Variants in KCNIP4 observed in about 807,000 individuals in gnomAD.
The protein encoded by KCNIP4 is potassium voltage-gated channel interacting protein 4.
A neutral mutation model predicts 34.0 loss-of-function variants in KCNIP4; 12 were observed. The observed-to-expected ratio is 0.35, with a 90% confidence interval of 0.23 to 0.57. The LOEUF is 0.57. Ranked by LOEUF, KCNIP4 falls within the 20% of genes least tolerant of loss-of-function variation. KCNIP4 has a pLI of 0.83. For missense variants in KCNIP4, 238 were observed against 311.7 expected, an observed-to-expected ratio of 0.76 and a Z score of 1.78; for synonymous variants, 124 against 102.2, an observed-to-expected ratio of 1.21 and a Z score of -1.29.
At position 20,976,821 on chromosome 4, in the gene KCNIP4, G is replaced by C. The variant is rs181269461; in HGVS notation, c.62-94112C>G. ...ACTCTATAATCATGTTTGAACAGAA[G>C]CAAAAAGATGAACTTTTTCTCTTTT... On this transcript the variant is annotated intron_variant, in intron 1 of 8. Transcript: ENST00000382152. Among the ~76,000 whole-genome samples the C allele has an allele frequency of 6.6e-5, 10 of 152,200 alleles. No individual in the cohort carries two copies. The East Asian group carries it at 1.9e-3, about 29-fold the overall frequency.
chr4:21,008,018 CT>C (rs998182574), intron 1 of KCNIP4, among the ~76,000 whole-genome samples: 14 of 152,174 alleles, frequency 9.2e-5, no homozygotes, highest in Admixed American at 8.5e-4. Context: ...AATGTCCCCC[CT>C]GTCTGGGATG....
At chr4:21,932,165 G>C (rs1729608103) in intron 1 of KCNIP4, among the ~76,000 whole-genome samples, 1 of 152,080 alleles carries the variant, frequency 6.6e-6, no homozygotes, top group Non-Finnish European at 1.5e-5. Context: ...ATAGGCACTA[G>C]TACCATGAGT....
At chr4:21,871,510 G>A (rs1394903122) in intron 1 of KCNIP4, among the ~76,000 whole-genome samples, 1 of 151,666 alleles carries the variant, frequency 6.6e-6, no homozygotes, top group Non-Finnish European at 1.5e-5. Flanking sequence ...GATGAAGCTG[G>A]AAACCATCAT....
intron 1 of KCNIP4, among the ~76,000 whole-genome samples, chr4:21,401,257 A>T (rs1723534237): frequency 6.6e-6 from 1 of 152,236 alleles, no homozygotes; most frequent in East Asian, 1.9e-4. Context: ...GGAAATATAC[A>T]GCTGAAGTTT....
chr4:21,379,109 T>C (rs1721241075), intron 1 of KCNIP4, among the ~76,000 whole-genome samples: 1 of 152,178 alleles, frequency 6.6e-6, no homozygotes, highest in Non-Finnish European at 1.5e-5. Context: ...TCTAGTGTAT[T>C]ATTATGTTAC....
chr4:21,349,274 A>G (rs1222988958), intron 1 of KCNIP4, among the ~76,000 whole-genome samples: 1 of 152,142 alleles, frequency 6.6e-6, no homozygotes, highest in African/African-American at 2.4e-5. Flanking sequence ...ATCAGCTGCT[A>G]TTATCACTTC....
chr4:21,088,265 T>A (rs1476873722), intron 1 of KCNIP4, among the ~76,000 whole-genome samples: 1 of 152,150 alleles, frequency 6.6e-6, no homozygotes, highest in East Asian at 1.9e-4. Context: ...AGGCGTCTTG[T>A]GGGAGGTAGA....
chr4:21,931,769 T>A (rs1729581436), intron 1 of KCNIP4, among the ~76,000 whole-genome samples: 1 of 152,122 alleles, frequency 6.6e-6, no homozygotes, highest in Non-Finnish European at 1.5e-5. Flanking sequence ...AGCAGCATGA[T>A]TTATAATCCT....
chr4:21,238,742 T>C lies in KCNIP4; in HGVS notation c.62-356033A>G, dbSNP rs937328318. Among the ~76,000 whole-genome samples the C allele has an allele frequency of 1.3e-3, 195 of 152,276 alleles. 2 individuals carry two copies. Among genetic ancestry groups the C allele is most frequent in the Non-Finnish European group, 1.9e-3 (129 of 68,030 alleles). ...TGAAATAAAAGAGGATACAAACAAA[T>C]GGAAGAACATTCCATGCTCATGGGT... On this transcript the variant is annotated intron_variant, in intron 1 of 8. Coordinates refer to ENST00000382152, the MANE Select transcript of KCNIP4 (RefSeq NM_025221.6).
At chr4:21,708,695 C>T (rs1713481011) in intron 1 of KCNIP4, among the ~76,000 whole-genome samples, 1 of 151,996 alleles carries the variant, frequency 6.6e-6, no homozygotes, top group African/African-American at 2.4e-5. Context: ...TCAAGGAAGC[C>T]TCATTTTCAG....
chr4:21,554,100 G>C (rs1738794509), intron 1 of KCNIP4, among the ~76,000 whole-genome samples: 1 of 152,148 alleles, frequency 6.6e-6, no homozygotes. Flanking sequence ...GGATAAGGGT[G>C]AGTGGAGGAT....
At chr4:21,183,469 G>GGTT (rs371888140) in intron 1 of KCNIP4, among the ~76,000 whole-genome samples, 2 of 128,302 alleles carry the variant, frequency 1.6e-5, no homozygotes, top group African/African-American at 5.7e-5. Flanking sequence ...TGTTGTTTTT[G>GGTT]TTTTTTTTTT....
chr4:20,857,269 G>A (rs1424896231), intron 2 of KCNIP4, among the ~76,000 whole-genome samples: 1 of 152,056 alleles, frequency 6.6e-6, no homozygotes, highest in African/African-American at 2.4e-5. Context: ...ATTCTTGGAG[G>A]CAAACTATGG....
intron 1 of KCNIP4, among the ~76,000 whole-genome samples, chr4:21,694,456 G>A (rs1026656796): frequency 6.6e-5 from 10 of 152,032 alleles, no homozygotes; most frequent in Non-Finnish European, 1.3e-4. Flanking sequence ...ATGTTTTTAT[G>A]ATAAATACAG....
At chr4:20,800,077 T>G (rs1472655514) in intron 3 of KCNIP4, among the ~76,000 whole-genome samples, 1 of 152,152 alleles carries the variant, frequency 6.6e-6, no homozygotes, top group Non-Finnish European at 1.5e-5. Flanking sequence ...ACAGAATGAT[T>G]CCCAAAGTTC....
intron 1 of KCNIP4, among the ~76,000 whole-genome samples, chr4:21,604,032 C>A (rs1363505235): frequency 6.6e-6 from 1 of 151,852 alleles, no homozygotes; most frequent in Non-Finnish European, 1.5e-5. Context: ...AGATTTTTTT[C>A]ATTCGTCGAT....
chr4:21,814,151 T>C (rs1721829160), intron 1 of KCNIP4, among the ~76,000 whole-genome samples: 1 of 152,162 alleles, frequency 6.6e-6, no homozygotes, highest in Non-Finnish European at 1.5e-5. Flanking sequence ...ATCACGAGGT[T>C]ATAATTCACA....
At chr4:20,800,052 T>C (rs1467488101) in intron 3 of KCNIP4, among the ~76,000 whole-genome samples, 1 of 152,174 alleles carries the variant, frequency 6.6e-6, no homozygotes, top group East Asian at 1.9e-4. Flanking sequence ...CGCCCCACTG[T>C]GGGGGAAGAT....
rs778906530 is a variant in KCNIP4, at chr4:21,234,051, C to T, written c.62-351342G>A. On this transcript the variant is annotated intron_variant, in intron 1 of 8. Transcript: ENST00000382152. ...TATATAACATATATAACATATATAA[C>T]ACATAACATATATAACATAACATAA... Among the ~76,000 whole-genome samples the T allele has an allele frequency of 1.8e-3, 184 of 104,058 alleles. 2 individuals carry two copies. The highest frequency in any genetic ancestry group is 2.8e-3 in the Non-Finnish European group (167 of 59,736). The allele number at this position is 104,058 out of a possible 152,430, so 68.3% of individuals were successfully genotyped here.
Sources: gnomAD v4.1 joint callset for allele counts (sites outside exome capture counted in the v4.1 genomes callset) on GRCh38, gnomAD v4.1.1 for gene constraint, MANE v1.5 for transcripts, NCBI Gene and HGNC (gene_info 2026-07-23, HGNC 2026-07-21) for gene names.